KIRREL3: variants seen among roughly 807,000 people sequenced by gnomAD.
KIRREL3 encodes the protein kin of IRRE-like protein 3.
Under a neutral mutation model 89.7 loss-of-function variants are expected in KIRREL3, and 36 were observed. The observed-to-expected ratio is 0.40, with a 90% confidence interval of 0.31 to 0.53. KIRREL3 has a LOEUF of 0.53. Among genes scored for constraint, KIRREL3 ranks in the 20% least tolerant of loss-of-function variants. KIRREL3 has a pLI of 0.49. For missense variants in KIRREL3, 864 were observed against 1,056.6 expected, an observed-to-expected ratio of 0.82 and a Z score of 2.53; for synonymous variants, 445 against 441.4, an observed-to-expected ratio of 1.01 and a Z score of -0.10.
At chr11:126,835,949 C>T (rs10790845) in intron 1 of KIRREL3, among the ~76,000 whole-genome samples, 128,726 of 152,102 alleles carry the variant, frequency 0.85, 54,654 homozygotes, top group East Asian at 1. Context: ...ACTCTGAACA[C>T]GGAGGTTCAG....
At position 126,908,499 on chromosome 11, in the gene KIRREL3, A is replaced by G. The variant is rs1946675181; in HGVS notation, c.55+91956T>C. On this transcript the variant is annotated intron_variant, in intron 1 of 16. Coordinates refer to ENST00000525144, the MANE Select transcript of KIRREL3 (RefSeq NM_032531.4). The surrounding 1 kb of genome is among the most constrained non-coding windows in gnomAD (Gnocchi z 4.2). The stretch of plus-strand genomic sequence containing the variant: ...GGGACAATAATAGTGACTTCTTCAC[A>G]GGGTTGTTGTAAAGGTTAATTGTAA... Among the ~76,000 whole-genome samples the G allele has an allele frequency of 6.6e-6, 1 of 152,180 alleles. No homozygotes were observed. The highest frequency in any genetic ancestry group is 2.4e-5 in the African/African-American group (1 of 41,422).
Position 126,710,264 on chromosome 11 carries a change from A to C in KIRREL3, c.56-147352T>G, listed in dbSNP as rs1044955962. On this transcript the variant is annotated intron_variant, in intron 1 of 16. Coordinates refer to ENST00000525144, the MANE Select transcript of KIRREL3 (RefSeq NM_032531.4). The surrounding 1 kb of genome is among the most constrained non-coding windows in gnomAD (Gnocchi z 4.2). ...GAGCAGTGCCTTGTCTTAGGGGGGC[A>C]TGTTCACTGAACTCATGAGGTCAGA... Among the ~76,000 whole-genome samples the C allele has an allele frequency of 3.9e-5, 6 of 152,184 alleles. No individual in the cohort carries two copies. The highest frequency in any genetic ancestry group is 1.2e-4 in the African/African-American group (5 of 41,444).
At chr11:126,688,965 C>T (rs1453907268) in intron 1 of KIRREL3, among the ~76,000 whole-genome samples, 1 of 149,940 alleles carries the variant, frequency 6.7e-6, no homozygotes, top group Non-Finnish European at 1.5e-5. Flanking sequence ...TTTTTTTTTC[C>T]GCTCTCAATC....
chr11:126,465,649 C>T (rs11220507), intron 5 of KIRREL3, among the ~76,000 whole-genome samples: 21,775 of 152,194 alleles, frequency 0.14, 1,678 homozygotes, highest in Non-Finnish European at 0.17. Flanking sequence ...TAGAGAGCCA[C>T]GCGGTGCAGC....
In KIRREL3 at chr11:126,558,973, A is replaced by G. The variant is rs1939909252; in HGVS notation, c.133+3862T>C. 6.6e-6 allele frequency among the ~76,000 whole-genome samples: 1 copy of G among 152,048 alleles called. No homozygotes were observed. The highest frequency in any genetic ancestry group is 2.1e-4 in the South Asian group (1 of 4,822). On this transcript the variant is annotated intron_variant, in intron 2 of 16. Transcript: ENST00000525144. This position sits in a 1 kb window ranked among gnomAD's most constrained non-coding sequence, Gnocchi z 4.0. The stretch of plus-strand genomic sequence containing the variant: ...TGTGTGTTGGAGATGTGGCTGAGGA[A>G]CCAGTGAGAGTAAACTGGATCTACT...
intron 5 of KIRREL3, among the ~76,000 whole-genome samples, chr11:126,468,023 C>T (rs1409895223): frequency 6.6e-6 from 1 of 152,130 alleles, no homozygotes; most frequent in Admixed American, 6.5e-5. Context: ...GGCCAGTGGT[C>T]CTGGTGGTAG....
intron 9 of KIRREL3, among the ~76,000 whole-genome samples, chr11:126,445,351 G>A (rs1000874852): frequency 3.9e-5 from 6 of 152,356 alleles, no homozygotes; most frequent in East Asian, 3.9e-4. Flanking sequence ...CATCCCAGGC[G>A]CAGCCCTGTG....
In KIRREL3 at chr11:126,742,838, TG is replaced by T. The variant is rs1293273779; in HGVS notation, c.56-179927del. On this transcript the variant is annotated intron_variant, in intron 1 of 16. Coordinates refer to ENST00000525144, the MANE Select transcript of KIRREL3 (RefSeq NM_032531.4). This position sits in a 1 kb window ranked among gnomAD's most constrained non-coding sequence, Gnocchi z 5.3. ...CTGGCACATTCGTTGCTGGGCAACG[TG>T]GCTCCTCTCTGAAGAGGCAAGAAAA... Among the ~76,000 whole-genome samples, 1 of 152,228 alleles carries T rather than the reference TG, an allele frequency of 6.6e-6. No homozygotes were observed. Among genetic ancestry groups the T allele is most frequent in the Admixed American group, 6.5e-5 (1 of 15,288 alleles).
intron 1 of KIRREL3, among the ~76,000 whole-genome samples, chr11:126,692,675 C>T (rs1222053106): frequency 6.6e-6 from 1 of 150,582 alleles, no homozygotes; most frequent in African/African-American, 2.4e-5. Flanking sequence ...GGAAGGAAAA[C>T]CTTCCATATG....
chr11:126,514,762 A>G (rs965561055), intron 4 of KIRREL3, among the ~76,000 whole-genome samples: 1 of 152,232 alleles, frequency 6.6e-6, no homozygotes, highest in African/African-American at 2.4e-5. Flanking sequence ...CTAGGTTTCA[A>G]GTGCGGGCAA....
Position 126,454,868 on chromosome 11 carries a change from G to C in KIRREL3, c.848+1481C>G, listed in dbSNP as rs1018194478. 1.3e-5 allele frequency among the ~76,000 whole-genome samples: 2 copies of C among 152,156 alleles called. No individual in the cohort carries two copies. The highest frequency in any genetic ancestry group is 3.9e-4 in the East Asian group (2 of 5,194). On this transcript the variant is annotated intron_variant, in intron 7 of 16. Coordinates refer to ENST00000525144, the MANE Select transcript of KIRREL3 (RefSeq NM_032531.4). The surrounding 1 kb of genome is among the most constrained non-coding windows in gnomAD (Gnocchi z 5.8). ...AATGGTTAAACTGGACAGGACAAAT[G>C]GGTTTCATCCTATTTAAAAATATCC... is the stretch of plus-strand genomic sequence containing the variant.
At chr11:126,971,686 T>C (rs1349740893) in intron 1 of KIRREL3, among the ~76,000 whole-genome samples, 1 of 152,198 alleles carries the variant, frequency 6.6e-6, no homozygotes, top group African/African-American at 2.4e-5. Context: ...AAGGAACTTG[T>C]CATAAATCGT....
intron 1 of KIRREL3, among the ~76,000 whole-genome samples, chr11:126,971,205 G>A (rs1433121676): frequency 1.3e-5 from 2 of 152,074 alleles, no homozygotes; most frequent in Non-Finnish European, 2.9e-5. Context: ...TTATGAAAAG[G>A]GTAATGTTTG....
intron 1 of KIRREL3, among the ~76,000 whole-genome samples, chr11:126,930,827 C>T (rs1472349399): frequency 6.6e-6 from 1 of 152,190 alleles, no homozygotes; most frequent in Non-Finnish European, 1.5e-5. Context: ...GTCCCTACCC[C>T]TGCACACAGC....
rs948174609 is a variant in KIRREL3, at chr11:126,501,798, C to T, written c.433+19517G>A. Among the ~76,000 whole-genome samples, 2 of 152,180 alleles carry T rather than the reference C, an allele frequency of 1.3e-5. No homozygotes were observed. Among genetic ancestry groups the T allele is most frequent in the African/African-American group, 4.8e-5 (2 of 41,440 alleles). On this transcript the variant is annotated intron_variant, in intron 4 of 16. Coordinates refer to ENST00000525144, the MANE Select transcript of KIRREL3 (RefSeq NM_032531.4). This position sits in a 1 kb window ranked among gnomAD's most constrained non-coding sequence, Gnocchi z 5.8. ...TTTCCCGCTTCTGTTCCTAGTTCAA[C>T]CCCCACCCACATTGTGAGCTCCCTG...
chr11:126,584,680 G>T (rs989088601), intron 1 of KIRREL3, among the ~76,000 whole-genome samples: 6 of 152,112 alleles, frequency 3.9e-5, no homozygotes, highest in Non-Finnish European at 7.3e-5. Context: ...TGTCTAACTG[G>T]ACTGAAGGTG....
intron 1 of KIRREL3, among the ~76,000 whole-genome samples, chr11:126,714,717 TCTTTCCTTC>T (rs1947891997): frequency 6.6e-6 from 1 of 152,108 alleles, no homozygotes; most frequent in African/African-American, 2.4e-5. Flanking sequence ...TTTACTGGCG[TCTTTCCTTC>T]CTTTCCTACT....
intron 1 of KIRREL3, among the ~76,000 whole-genome samples, chr11:126,648,454 G>C (rs902569463): frequency 3.9e-5 from 6 of 152,098 alleles, no homozygotes; most frequent in African/African-American, 1.4e-4. Context: ...CACCTTCTTG[G>C]GGACTGACCA....
In KIRREL3 at chr11:126,779,136, T is replaced by C. The variant is rs559187104; in HGVS notation, c.56-216224A>G. On this transcript the variant is annotated intron_variant, in intron 1 of 16. Coordinates refer to ENST00000525144, the MANE Select transcript of KIRREL3 (RefSeq NM_032531.4). ...AGAGTGAATGATCAAAAATGTAAGA[T>C]GGAGCATGTTGCTCCCTTGCTTACA... 2.6e-5 allele frequency among the ~76,000 whole-genome samples: 4 copies of C among 152,334 alleles called. No homozygotes were observed. The South Asian group carries it at 8.3e-4, about 32-fold the overall frequency.
Sources: gnomAD v4.1 joint callset for allele counts (sites outside exome capture counted in the v4.1 genomes callset) on GRCh38, gnomAD v4.1.1 for gene constraint, Gnocchi (gnomAD v3.1) non-coding constraint, MANE v1.5 for transcripts, NCBI Gene and HGNC (gene_info 2026-07-23, HGNC 2026-07-21) for gene names.